The following ARHGAP15 variants were observed in gnomAD, a reference collection of about 807,000 sequenced individuals.
ARHGAP15 encodes rho GTPase-activating protein 15.
ARHGAP15 carries 51 observed loss-of-function variants against 63.7 expected under a neutral mutation model. That is an observed-to-expected ratio of 0.80 (90% CI 0.64 to 1.01). The LOEUF is 1.01. Ranked by LOEUF, ARHGAP15 falls within the 50% of genes least tolerant of loss-of-function variation. The pLI is 0.00. For synonymous variants in ARHGAP15, 191 were observed against 193.8 expected, an observed-to-expected ratio of 0.99 and a Z score of 0.12; for missense variants, 560 against 564.6, an observed-to-expected ratio of 0.99 and a Z score of 0.08.
At chr2:143,760,864 T>C (rs897548675) in intron 13 of ARHGAP15, among the ~76,000 whole-genome samples, 1 of 152,180 alleles carries the variant, frequency 6.6e-6, no homozygotes, top group African/African-American at 2.4e-5. Flanking sequence ...AGATATAAAA[T>C]TGAAGACTTT....
At chr2:143,339,264 G>A (rs1684946372) in intron 6 of ARHGAP15, among the ~76,000 whole-genome samples, 1 of 152,032 alleles carries the variant, frequency 6.6e-6, no homozygotes, top group African/African-American at 2.4e-5. Flanking sequence ...AGACCTCCCA[G>A]GTTGGAGCCT....
At chr2:143,267,295 C>T (rs910013379) in intron 6 of ARHGAP15, among the ~76,000 whole-genome samples, 1 of 152,122 alleles carries the variant, frequency 6.6e-6, no homozygotes, top group African/African-American at 2.4e-5. Context: ...GATAAAAGCA[C>T]ATTTAACATA....
rs148755634 is a variant in ARHGAP15 at position 143,423,636 on chromosome 2, T to G, written c.475-11965T>G. On this transcript the variant is annotated intron_variant, in intron 6 of 13. Coordinates refer to ENST00000295095, the MANE Select transcript of ARHGAP15 (RefSeq NM_018460.4). ...AGATGTTATAAAGGACTTTCCGGAA[T>G]AGGCAGTGTCTGAGTAGTTTCCTGA... Among the ~76,000 whole-genome samples, 1,004 of 152,236 alleles carry G rather than the reference T, an allele frequency of 6.6e-3. 6 individuals carry two copies. Among genetic ancestry groups the G allele is most frequent in the Middle Eastern group, 0.014 (4 of 294 alleles).
At chr2:143,686,821 C>G (rs868309533) in intron 12 of ARHGAP15, among the ~76,000 whole-genome samples, 1 of 152,164 alleles carries the variant, frequency 6.6e-6, no homozygotes, top group Admixed American at 6.5e-5. Context: ...CCATACAAAT[C>G]TAACACCAAT....
chr2:143,570,160 G>A (rs1296221959), intron 11 of ARHGAP15, among the ~76,000 whole-genome samples: 2 of 152,130 alleles, frequency 1.3e-5, no homozygotes, highest in Non-Finnish European at 2.9e-5. Flanking sequence ...CCATCCTAAT[G>A]AAGTAATCTA....
chr2:143,597,145 C>T (rs1697551667), intron 11 of ARHGAP15, among the ~76,000 whole-genome samples: 2 of 151,838 alleles, frequency 1.3e-5, no homozygotes, highest in South Asian at 4.1e-4. Flanking sequence ...GGATTGAAAG[C>T]ATAAATGATA....
intron 13 of ARHGAP15, among the ~76,000 whole-genome samples, chr2:143,739,277 C>A (rs772966744): frequency 2.3e-4 from 35 of 152,082 alleles, no homozygotes; most frequent in Admixed American, 7.9e-4. Flanking sequence ...AGCTCCCTAG[C>A]AATCCTGCTG....
intron 10 of ARHGAP15, among the ~76,000 whole-genome samples, chr2:143,556,052 A>T (rs1695782571): frequency 6.6e-6 from 1 of 152,024 alleles, no homozygotes; most frequent in Admixed American, 6.6e-5. Flanking sequence ...GTCTCGAGTT[A>T]TTTTACCTTG....
At chr2:143,319,216 A>G (rs886546989) in intron 6 of ARHGAP15, among the ~76,000 whole-genome samples, 1 of 139,134 alleles carries the variant, frequency 7.2e-6, no homozygotes, top group Non-Finnish European at 1.6e-5. Context: ...GATTTTCTTT[A>G]TTGGTTCCCG....
At chr2:143,203,598 A>G (rs1400422801) in intron 3 of ARHGAP15, among the ~76,000 whole-genome samples, 4 of 152,084 alleles carry the variant, frequency 2.6e-5, no homozygotes, top group African/African-American at 9.7e-5. Flanking sequence ...CATGTAACAA[A>G]TAAGCACATA....
chr2:143,470,671 G>A (rs1469144115), intron 8 of ARHGAP15, among the ~76,000 whole-genome samples: 1 of 127,354 alleles, frequency 7.9e-6, no homozygotes, highest in Admixed American at 9.2e-5. Context: ...ATGTATATAT[G>A]TGTGTGTATA....
At chr2:143,562,074 A>G (rs1696053081) in intron 11 of ARHGAP15, among the ~76,000 whole-genome samples, 1 of 152,220 alleles carries the variant, frequency 6.6e-6, no homozygotes, top group Non-Finnish European at 1.5e-5. Context: ...AAAGAGATGG[A>G]TGTGCTTAGT....
At chr2:143,310,200 G>GT (rs1179430235) in intron 6 of ARHGAP15, among the ~76,000 whole-genome samples, 4 of 151,958 alleles carry the variant, frequency 2.6e-5, no homozygotes, top group Non-Finnish European at 1.5e-5. Flanking sequence ...TTACTGTGTT[G>GT]TTTTGGTTAA....
intron 12 of ARHGAP15, among the ~76,000 whole-genome samples, chr2:143,646,136 TGATGA>T (rs1385852512): frequency 5.3e-5 from 8 of 151,988 alleles, no homozygotes; most frequent in African/African-American, 1.9e-4. Context: ...AACAGACATG[TGATGA>T]GATATTTACA....
Position 143,228,592 on chromosome 2 carries a change from C to T in ARHGAP15, c.308C>T (p.Ser103Phe). 2 of 1,606,728 alleles carry T rather than the reference C, an allele frequency of 1.2e-6. No homozygotes were observed. Among genetic ancestry groups the T allele is most frequent in the Admixed American group, 3.4e-5 (2 of 59,144 alleles). The change falls in exon 5 of 14, where the codon TCT (serine) becomes TTT (phenylalanine). Residue 103 changes from serine (S) to phenylalanine (F), a missense_variant. Physicochemically the swap from Ser to Phe is radical, Grantham distance 155. Coordinates refer to ENST00000295095, the MANE Select transcript of ARHGAP15 (RefSeq NM_018460.4). ...TTTTTTGTCCTAAGGAAAAACTGGT[C>T]TACTTCCTGGATTGTTCTTTCTAGT... ...DGGKKLRKNW[S>F]TSWIVLSSRR...
chr2:143,252,314 A>G (rs1680196610), intron 6 of ARHGAP15, among the ~76,000 whole-genome samples: 1 of 152,076 alleles, frequency 6.6e-6, no homozygotes, highest in Non-Finnish European at 1.5e-5. Flanking sequence ...AGCCACCTAT[A>G]TTGACAGTGT....
At chr2:143,334,174 ATATAGT>A (rs891722321) in intron 6 of ARHGAP15, among the ~76,000 whole-genome samples, 6 of 152,156 alleles carry the variant, frequency 3.9e-5, no homozygotes, top group South Asian at 4.1e-4. Context: ...AATCTAGAAA[ATATAGT>A]TATATTTATT....
At chr2:143,649,169 TTCATCA>T (rs59473812) in intron 12 of ARHGAP15, among the ~76,000 whole-genome samples, 1 of 151,216 alleles carries the variant, frequency 6.6e-6, no homozygotes, top group Non-Finnish European at 1.5e-5. Flanking sequence ...TCTTCTATCA[TTCATCA>T]TCATCATCAT....
chr2:143,366,043 C>T (rs968682477), intron 6 of ARHGAP15, among the ~76,000 whole-genome samples: 2 of 152,094 alleles, frequency 1.3e-5, no homozygotes, highest in Non-Finnish European at 2.9e-5. Flanking sequence ...AGTTTTATTA[C>T]CACTAATTTC....
Sources: allele counts gnomAD v4.1 joint callset (sites outside exome capture counted in the v4.1 genomes callset), GRCh38; gene constraint gnomAD v4.1.1; transcripts MANE v1.5; gene names NCBI Gene and HGNC (gene_info 2026-07-23, HGNC 2026-07-21).